The following KIF18A variants were observed in gnomAD, a reference collection of about 807,000 sequenced individuals.
The protein encoded by KIF18A is kinesin-like protein KIF18A.
In KIF18A, 67 loss-of-function variants were observed where a neutral mutation model predicts 103.3. The ratio of observed to expected loss-of-function variants is 0.65; its 90% CI spans 0.53 to 0.79. The LOEUF (loss-of-function observed/expected upper bound fraction) is 0.79, where lower values mean the gene tolerates loss of function less well. KIF18A is among the 30% of genes least tolerant of loss of function. KIF18A has a pLI of 0.00. For synonymous variants in KIF18A, 367 were observed against 355.5 expected (o/e 1.03, Z -0.36); for missense variants, 1,032 against 1,062.5 (o/e 0.97, Z 0.40).
rs765430260 is a variant in KIF18A, at chr11:28,053,498, ATTAT to A, written c.1948+5424_1948+5427del. On this transcript the variant is annotated intron_variant, in intron 13 of 16. Transcript: ENST00000263181. ...TGAATCCTAATCTTTTTTTAATTTT[ATTAT>A]TTATTTATTTTTTAATTATACTTTA... 1.3e-3 allele frequency among the ~76,000 whole-genome samples: 205 copies of A among 151,914 alleles called. 1 individual carries two copies. Among genetic ancestry groups the A allele is most frequent in the Middle Eastern group, 3.4e-3 (1 of 294 alleles).
chr11:28,033,399 A>C (rs1350780800), intron 15 of KIF18A, among the ~76,000 whole-genome samples: 1 of 151,694 alleles, frequency 6.6e-6, no homozygotes. Context: ...CTGAAGAGAT[A>C]TCTGCACTAC....
chr11:28,023,205 T>C (rs1031970385), intron 16 of KIF18A, among the ~76,000 whole-genome samples: 1 of 152,166 alleles, frequency 6.6e-6, no homozygotes, highest in African/African-American at 2.4e-5. Flanking sequence ...CCATATGCGG[T>C]TGATGGAATG....
At chr11:28,098,604 G>A (rs1036589382) in intron 1 of KIF18A, among the ~76,000 whole-genome samples, 48 of 152,128 alleles carry the variant, frequency 3.2e-4, no homozygotes, top group African/African-American at 1.1e-3. Flanking sequence ...AGGTCTGAAG[G>A]TGATAGAGAT....
chr11:28,101,506 C>T (rs1182318099), intron 1 of KIF18A, among the ~76,000 whole-genome samples: 1 of 152,096 alleles, frequency 6.6e-6, no homozygotes, highest in East Asian at 1.9e-4. Flanking sequence ...AATCTCAGCT[C>T]TATGACGTAC....
chr11:28,101,509 T>C (rs1851446269), intron 1 of KIF18A, among the ~76,000 whole-genome samples: 1 of 152,158 alleles, frequency 6.6e-6, no homozygotes, highest in South Asian at 2.1e-4. Flanking sequence ...CTCAGCTCTA[T>C]GACGTACTGA....
At chr11:28,046,986 A>G (rs1427548166) in intron 13 of KIF18A, among the ~76,000 whole-genome samples, 1 of 144,926 alleles carries the variant, frequency 6.9e-6, no homozygotes, top group Non-Finnish European at 1.5e-5. Flanking sequence ...CCTGGGATGC[A>G]GAGGTTGCAG....
At chr11:28,083,299 A>C in intron 7 of KIF18A, 56 bp from the exon 8 acceptor site, 2 of 1,478,996 alleles carry the variant, frequency 1.4e-6, no homozygotes, top group Non-Finnish European at 1.8e-6. Context: ...CACAGAGATA[A>C]ATACATGAAT....
chr11:28,068,102 T>C lies in KIF18A; in HGVS notation c.1590+1157A>G, dbSNP rs554358158. On this transcript the variant is annotated intron_variant, in intron 11 of 16. Coordinates refer to ENST00000263181, the MANE Select transcript of KIF18A (RefSeq NM_031217.4). ...AATACTATGCAGCCATAAAAAAGAA[T>C]GAGTTCACGTCCTTTGCAGGGACAT... Among the ~76,000 whole-genome samples the C allele has an allele frequency of 5.3e-5, 8 of 152,250 alleles. No homozygotes were observed. The East Asian group carries it at 1.5e-3, about 29-fold the overall frequency.
intron 3 of KIF18A, among the ~76,000 whole-genome samples, chr11:28,092,946 T>C (rs1019761616): frequency 6.6e-6 from 1 of 152,212 alleles, no homozygotes; most frequent in Non-Finnish European, 1.5e-5. Flanking sequence ...CAAGCTGGTC[T>C]ATGTATGACA....
At chr11:28,048,211 T>C (rs1462422298) in intron 13 of KIF18A, among the ~76,000 whole-genome samples, 1 of 152,150 alleles carries the variant, frequency 6.6e-6, no homozygotes, top group African/African-American at 2.4e-5. Flanking sequence ...TGACAATGCA[T>C]ATCTAATGCC....
At chr11:28,092,887 C>T (rs1013952791) in intron 3 of KIF18A, among the ~76,000 whole-genome samples, 1 of 151,984 alleles carries the variant, frequency 6.6e-6, no homozygotes, top group African/African-American at 2.4e-5. Context: ...CTATTGCTTC[C>T]CCTTACCCAC....
intron 13 of KIF18A, among the ~76,000 whole-genome samples, chr11:28,042,802 C>T (rs1367077527): frequency 3.3e-5 from 5 of 151,570 alleles, no homozygotes; most frequent in Non-Finnish European, 7.4e-5. Flanking sequence ...AAAATGATCA[C>T]ATCATTAAAA....
At chr11:28,053,215 T>C (rs934363404) in intron 13 of KIF18A, among the ~76,000 whole-genome samples, 2 of 152,224 alleles carry the variant, frequency 1.3e-5, no homozygotes, top group African/African-American at 4.8e-5. Flanking sequence ...AGATATTTGA[T>C]GACATTTTTC....
rs1299468478 is a variant in KIF18A at position 28,037,018 on chromosome 11, A to G, written c.1949-354T>C. Among the ~76,000 whole-genome samples the G allele has an allele frequency of 3.3e-5, 5 of 151,590 alleles. No individual in the cohort carries two copies. In the East Asian group the frequency reaches 9.7e-4, roughly 29 times the overall value. The stretch of plus-strand genomic sequence containing the variant: ...TGTTTGATTTGGGTTTAAGATGAAA[A>G]CAGTATTAAACTTTTATAGGCACAG... On this transcript the variant is annotated intron_variant, in intron 13 of 16. Transcript: ENST00000263181.
At chr11:28,103,324 A>G (rs1344264890) in intron 1 of KIF18A, among the ~76,000 whole-genome samples, 1 of 152,008 alleles carries the variant, frequency 6.6e-6, no homozygotes, top group African/African-American at 2.4e-5. Flanking sequence ...AAAATTAAAA[A>G]AAAAAAAAAA....
intron 3 of KIF18A, among the ~76,000 whole-genome samples, chr11:28,091,885 G>C (rs1032353507): frequency 6.6e-6 from 1 of 151,976 alleles, no homozygotes; most frequent in African/African-American, 2.4e-5. Context: ...GCGCAATCTC[G>C]GCTCACTGCA....
chr11:28,034,172 A>C (rs1166254799), intron 15 of KIF18A, among the ~76,000 whole-genome samples: 2 of 151,682 alleles, frequency 1.3e-5, no homozygotes, highest in African/African-American at 4.8e-5. Flanking sequence ...CTATTTGTTG[A>C]AATTATTACA....
rs7941488 is a variant in KIF18A, at chr11:28,077,058, T to C, written c.1374A>G (p.Gln458=). Residue 458 remains glutamine (Q), a synonymous_variant, in exon 10 of 17, where the codon CAA becomes CAG. Coordinates refer to ENST00000263181, the MANE Select transcript of KIF18A (RefSeq NM_031217.4). ...TCATTTCTATTTGTTTATGGCACTG[T>C]TGTTGGTAGAATGATTTAAGTTCAT... ...KENELKSFYQ[Q]QCHKQIEMMC... 10,819 of 1,578,520 alleles carry C rather than the reference T, an allele frequency of 6.9e-3. 781 individuals carry two copies. The East Asian group carries it at 0.19, about 27-fold the overall frequency.
rs986957674 is a variant in KIF18A at position 28,091,449 on chromosome 11, G to C, written c.548C>G (p.Thr183Ser). The change falls in exon 4 of 17, where the codon ACC becomes AGC. Residue 183 changes from threonine to serine, a missense_variant. Transcript: ENST00000263181. ...TCCATGAACGACCACCCCTTTTTGGGTATCTTCCCGGACAGCAAGTGGCCC... is the reference window on the plus strand; with the variant it reads ...TCCATGAACGACCACCCCTTTTTGGCTATCTTCCCGGACAGCAAGTGGCCC... The part of the protein sequence containing the change: ...NSGPLAVRED[T>S]QKGVVVHGLT... 2 of 1,609,462 alleles carry C rather than the reference G, an allele frequency of 1.2e-6. No homozygotes were observed. The highest frequency in any genetic ancestry group is 1.3e-5 in the African/African-American group (1 of 74,556).
Sources: allele counts gnomAD v4.1 joint callset (sites outside exome capture counted in the v4.1 genomes callset), GRCh38; gene constraint gnomAD v4.1.1; transcripts MANE v1.5; gene names NCBI Gene and HGNC (gene_info 2026-07-23, HGNC 2026-07-21).